The following SLC24A2 variants were observed in gnomAD, a reference collection of about 807,000 sequenced individuals.
SLC24A2 encodes solute carrier family 24 member 2.
A neutral mutation model predicts 62.0 loss-of-function variants in SLC24A2; 36 were observed. The ratio of observed to expected loss-of-function variants is 0.58; its 90% CI spans 0.44 to 0.77. The LOEUF is 0.77. Ranked by LOEUF, SLC24A2 falls within the 30% of genes least tolerant of loss-of-function variation. The probability of loss-of-function intolerance (pLI) is 0.00; values close to 1 mark genes in which losing one functional copy is unlikely to be tolerated. For synonymous variants in SLC24A2, 358 were observed against 294.0 expected (o/e 1.22, Z -2.23); for missense variants, 846 against 817.9 (o/e 1.03, Z -0.42).
chr9:20,258,814 A>AT, the SLC24A2 span, among the ~76,000 whole-genome samples: 981 of 107,868 alleles, frequency 9.1e-3, 11 homozygotes, highest in East Asian at 0.077. Flanking sequence ...CTATCTATCT[A>AT]CCTTATCTAT....
At chr9:19,836,143 AC>A in the SLC24A2 span, among the ~76,000 whole-genome samples, 4 of 152,186 alleles carry the variant, frequency 2.6e-5, no homozygotes, top group African/African-American at 9.7e-5. Flanking sequence ...TAAAATTGAC[AC>A]CCTAACATCA....
At chr9:20,181,415 A>T in the SLC24A2 span, among the ~76,000 whole-genome samples, 1 of 152,194 alleles carries the variant, frequency 6.6e-6, no homozygotes, top group East Asian at 1.9e-4. Flanking sequence ...CCAAAACGGC[A>T]TGGTACTGGT....
chr9:19,564,042 A>G (rs1037707760), intron 7 of SLC24A2, among the ~76,000 whole-genome samples: 4 of 151,578 alleles, frequency 2.6e-5, no homozygotes, highest in African/African-American at 9.7e-5. Context: ...TTTGGTAGAG[A>G]GAGTGTTTTT....
chr9:19,650,434 C>T (rs1043505784), intron 2 of SLC24A2, among the ~76,000 whole-genome samples: 5 of 152,158 alleles, frequency 3.3e-5, no homozygotes, highest in Admixed American at 2.0e-4. Context: ...CAGTGAGTGA[C>T]CATAGCTACC....
At chr9:19,681,691 A>T (rs1722798284) in intron 2 of SLC24A2, among the ~76,000 whole-genome samples, 1 of 152,158 alleles carries the variant, frequency 6.6e-6, no homozygotes, top group African/African-American at 2.4e-5. Flanking sequence ...AACATTCTTT[A>T]TGCAGCACAA....
the SLC24A2 span, among the ~76,000 whole-genome samples, chr9:19,907,277 C>G: frequency 1.4e-4 from 22 of 152,276 alleles, no homozygotes; most frequent in Middle Eastern, 3.4e-3. Flanking sequence ...AATTCAGCAA[C>G]GCTTCATGCT....
intron 2 of SLC24A2, among the ~76,000 whole-genome samples, chr9:19,660,468 G>T (rs950466157): frequency 2.6e-5 from 4 of 152,274 alleles, no homozygotes; most frequent in African/African-American, 7.2e-5. Flanking sequence ...TACTTCAGAA[G>T]TGAGAAAGTT....
the SLC24A2 span, among the ~76,000 whole-genome samples, chr9:19,887,205 A>C: frequency 7.2e-5 from 11 of 152,130 alleles, no homozygotes; most frequent in Admixed American, 7.2e-4. Flanking sequence ...TGGAACTTAA[A>C]ATTTTTAAAA....
At chr9:20,224,214 T>G in the SLC24A2 span, among the ~76,000 whole-genome samples, 334 of 152,074 alleles carry the variant, frequency 2.2e-3, 2 homozygotes, top group African/African-American at 7.8e-3. Flanking sequence ...AATAAAGCTC[T>G]AAATATGACA....
intron 2 of SLC24A2, among the ~76,000 whole-genome samples, chr9:19,739,335 T>C (rs1033871708): frequency 6.6e-6 from 1 of 152,178 alleles, no homozygotes; most frequent in Admixed American, 6.5e-5. Flanking sequence ...AATTTGAAAG[T>C]TGACAAGCTA....
the SLC24A2 span, among the ~76,000 whole-genome samples, chr9:19,846,130 A>T: frequency 6.6e-6 from 1 of 152,120 alleles, no homozygotes; most frequent in Admixed American, 6.5e-5. Context: ...GTCAAATTTA[A>T]TTTCAGAATT....
At chr9:20,010,416 T>C in the SLC24A2 span, among the ~76,000 whole-genome samples, 1 of 152,192 alleles carries the variant, frequency 6.6e-6, no homozygotes, top group Non-Finnish European at 1.5e-5. Flanking sequence ...AATGAAGATC[T>C]ATAAAATGGC....
chr9:19,900,064 C>T, the SLC24A2 span, among the ~76,000 whole-genome samples: 1 of 152,190 alleles, frequency 6.6e-6, no homozygotes, highest in African/African-American at 2.4e-5. Context: ...TCATGTAGTT[C>T]ATAAAAGTGC....
the SLC24A2 span, among the ~76,000 whole-genome samples, chr9:20,267,167 A>G: frequency 0.13 from 19,394 of 152,254 alleles, 1,298 homozygotes; most frequent in Middle Eastern, 0.16. Context: ...TTCAGACCCA[A>G]TTTGGAAAAT....
chr9:20,210,637 C>CTTTTT, the SLC24A2 span, among the ~76,000 whole-genome samples: 4 of 80,876 alleles, frequency 4.9e-5, no homozygotes, highest in African/African-American at 2.3e-4. Context: ...CAACGCCCGG[C>CTTTTT]TTTTTTTTTT....
chr9:19,911,644 A>T, the SLC24A2 span, among the ~76,000 whole-genome samples: 1 of 152,172 alleles, frequency 6.6e-6, no homozygotes, highest in African/African-American at 2.4e-5. Flanking sequence ...TATGGCGTCC[A>T]GTCTCAACTG....
At chr9:19,864,048 G>A in the SLC24A2 span, among the ~76,000 whole-genome samples, 7 of 151,888 alleles carry the variant, frequency 4.6e-5, no homozygotes, top group African/African-American at 7.2e-5. Flanking sequence ...TGGCTACTAT[G>A]AGCAACTACA....
the SLC24A2 span, among the ~76,000 whole-genome samples, chr9:19,823,201 G>T: frequency 1.3e-5 from 2 of 151,848 alleles, no homozygotes; most frequent in South Asian, 4.2e-4. Flanking sequence ...CCCCCTATAT[G>T]TTTTTTATTT....
chr9:19,734,965 C>T (rs1821461083), intron 2 of SLC24A2, among the ~76,000 whole-genome samples: 1 of 151,914 alleles, frequency 6.6e-6, no homozygotes, highest in Non-Finnish European at 1.5e-5. Context: ...GACTTCATGT[C>T]TAAAACACCA....
Sources: gnomAD v4.1 joint callset for allele counts (sites outside exome capture counted in the v4.1 genomes callset) on GRCh38, gnomAD v4.1.1 for gene constraint, MANE v1.5 for transcripts, NCBI Gene and HGNC (gene_info 2026-07-23, HGNC 2026-07-21) for gene names.